PARD3B: variants seen among roughly 807,000 people sequenced by gnomAD.
PARD3B encodes par-3 family cell polarity regulator beta.
PARD3B carries 103 observed loss-of-function variants against 130.2 expected under a neutral mutation model. The ratio of observed to expected loss-of-function variants is 0.79; its 90% CI spans 0.67 to 0.93. The LOEUF (loss-of-function observed/expected upper bound fraction) is 0.93. Ranked by LOEUF, PARD3B falls within the 40% of genes least tolerant of loss-of-function variation. PARD3B has a pLI of 0.00. For missense variants in PARD3B, 1,609 were observed against 1,499.2 expected (o/e 1.07, Z -1.21); for synonymous variants, 583 against 553.2 (o/e 1.05, Z -0.76).
chr2:205,342,130 G>T (rs1024627240), intron 18 of PARD3B, among the ~76,000 whole-genome samples: 5 of 152,130 alleles, frequency 3.3e-5, no homozygotes, highest in African/African-American at 1.2e-4. Flanking sequence ...TATGACTAAA[G>T]GGAGGAAGGA....
At chr2:204,637,004 A>G (rs2034904333) in intron 1 of PARD3B, among the ~76,000 whole-genome samples, 1 of 152,190 alleles carries the variant, frequency 6.6e-6, no homozygotes, top group Non-Finnish European at 1.5e-5. Context: ...TCTAGTATGA[A>G]ATAATAGAAC....
chr2:204,847,177 T>A (rs896556612), intron 2 of PARD3B, among the ~76,000 whole-genome samples: 3 of 151,718 alleles, frequency 2.0e-5, no homozygotes, highest in African/African-American at 7.3e-5. Context: ...TTTCTTTTTT[T>A]TTTTTTTGCT....
chr2:205,155,514 T>G (rs765326760), intron 10 of PARD3B, among the ~76,000 whole-genome samples: 3 of 151,974 alleles, frequency 2.0e-5, no homozygotes, highest in Non-Finnish European at 4.4e-5. Flanking sequence ...AGAGTAAACT[T>G]TAAAAAAAAT....
At chr2:205,509,550 C>A (rs2050512389) in intron 21 of PARD3B, among the ~76,000 whole-genome samples, 1 of 152,114 alleles carries the variant, frequency 6.6e-6, no homozygotes, top group Non-Finnish European at 1.5e-5. Flanking sequence ...ACAGAGTTAC[C>A]ATTCTCAGTA....
intron 4 of PARD3B, among the ~76,000 whole-genome samples, chr2:205,060,177 CT>C (rs1287114385): frequency 2.0e-5 from 3 of 152,168 alleles, no homozygotes; most frequent in Non-Finnish European, 4.4e-5. Context: ...GGCAATCTTC[CT>C]TTGAAACTGC....
At chr2:205,481,882 G>A (rs1413611208) in intron 20 of PARD3B, among the ~76,000 whole-genome samples, 4 of 152,180 alleles carry the variant, frequency 2.6e-5, no homozygotes, top group Admixed American at 6.5e-5. Context: ...AAATAGGAGG[G>A]AAAGAAGATT....
intron 2 of PARD3B, among the ~76,000 whole-genome samples, chr2:204,900,389 G>A (rs73053132): frequency 0.02 from 3,081 of 151,954 alleles, 83 homozygotes; most frequent in African/African-American, 0.068. Flanking sequence ...GATCAGTTCT[G>A]CTCTTAGGAG....
intron 22 of PARD3B, among the ~76,000 whole-genome samples, chr2:205,567,702 TAA>T (rs1227990177): frequency 1.3e-5 from 2 of 151,784 alleles, no homozygotes; most frequent in Non-Finnish European, 1.5e-5. Context: ...TTCAAAAGTT[TAA>T]AAAGTCCTCA....
At chr2:205,220,949 C>T (rs923861250) in intron 15 of PARD3B, among the ~76,000 whole-genome samples, 7 of 152,290 alleles carry the variant, frequency 4.6e-5, no homozygotes, top group Admixed American at 4.6e-4. Context: ...GGGGCTGCTG[C>T]ACTCAGCCCA....
At chr2:204,560,434 C>T (rs1372295315) in intron 1 of PARD3B, among the ~76,000 whole-genome samples, 3 of 152,002 alleles carry the variant, frequency 2.0e-5, no homozygotes, top group African/African-American at 4.8e-5. Context: ...CAACAAATGG[C>T]ATGGTATGAT....
intron 21 of PARD3B, among the ~76,000 whole-genome samples, chr2:205,502,621 C>G (rs2050197730): frequency 6.6e-6 from 1 of 151,996 alleles, no homozygotes; most frequent in Non-Finnish European, 1.5e-5. Context: ...TGGAGTCATT[C>G]TATACTGGGG....
At chr2:204,793,318 T>C (rs1032709593) in intron 2 of PARD3B, among the ~76,000 whole-genome samples, 3 of 152,064 alleles carry the variant, frequency 2.0e-5, no homozygotes, top group African/African-American at 7.2e-5. Context: ...TTTTAAAGAG[T>C]CTCAGCCTTT....
rs2051285824 is a variant in PARD3B, at chr2:205,525,276, A to G, written c.3180+25245A>G. On this transcript the variant is annotated intron_variant, in intron 21 of 22. Transcript: ENST00000406610. The surrounding 1 kb of genome is among the most constrained non-coding windows in gnomAD (Gnocchi z 4.2). ...TCCAAATTGGTTTCCTTACCACTCC[A>G]AGAGTGGGGTCTCTGGAAAATATAG... is the stretch of plus-strand genomic sequence containing the variant. Among the ~76,000 whole-genome samples, 1 of 152,174 alleles carries G rather than the reference A, an allele frequency of 6.6e-6. No individual in the cohort carries two copies. Among genetic ancestry groups the G allele is most frequent in the Non-Finnish European group, 1.5e-5 (1 of 68,026 alleles).
intron 18 of PARD3B, among the ~76,000 whole-genome samples, chr2:205,359,226 A>T (rs1056166456): frequency 1.3e-5 from 2 of 152,224 alleles, no homozygotes; most frequent in African/African-American, 4.8e-5. Context: ...CTTTCGAAAG[A>T]TTAAATTGTC....
chr2:205,323,937 T>G (rs2042846934), intron 18 of PARD3B, among the ~76,000 whole-genome samples: 1 of 152,206 alleles, frequency 6.6e-6, no homozygotes, highest in African/African-American at 2.4e-5. Flanking sequence ...TTGTTTTTGG[T>G]GAAGACTTTT....
intron 13 of PARD3B, among the ~76,000 whole-genome samples, chr2:205,179,926 T>C (rs889543606): frequency 2.0e-5 from 3 of 152,136 alleles, no homozygotes; most frequent in African/African-American, 7.2e-5. Context: ...GGAATTTCAA[T>C]AGAATGTTCA....
At chr2:205,382,845 A>C (rs893514373) in intron 18 of PARD3B, among the ~76,000 whole-genome samples, 2 of 151,990 alleles carry the variant, frequency 1.3e-5, no homozygotes, top group African/African-American at 2.4e-5. Flanking sequence ...CATTTTCAGG[A>C]TAGCTCATGT....
At position 204,563,214 on chromosome 2, in the gene PARD3B, G is replaced by GCTCT. The variant is rs1356690546; in HGVS notation, c.120+17097_120+17098insCTCT. Among the ~76,000 whole-genome samples the GCTCT allele has an allele frequency of 7.1e-4, 39 of 55,044 alleles. 1 individual carries two copies. The highest frequency in any genetic ancestry group is 5.7e-3 in the Admixed American group (25 of 4,422). 36.1% of individuals were successfully genotyped at this position (55,044 alleles called of 152,430 possible). A position where few individuals can be genotyped will look rare whatever the true frequency, so the allele number is the denominator to read the frequency against. ...CTCCGTTTTTACATGCCGTCTTCCC[G>GCTCT]CTGTCTCTCTCTCTCTCTCTCTCTC... On this transcript the variant is annotated intron_variant, in intron 1 of 22. Coordinates refer to ENST00000406610, the MANE Select transcript of PARD3B (RefSeq NM_001302769.2).
chr2:205,575,739 G>A lies in PARD3B; in HGVS notation c.3260+22336G>A, dbSNP rs1298230987. Among the ~76,000 whole-genome samples the A allele has an allele frequency of 1.3e-5, 2 of 152,096 alleles. No individual in the cohort carries two copies. Among genetic ancestry groups the A allele is most frequent in the Non-Finnish European group, 1.5e-5 (1 of 68,012 alleles). On this transcript the variant is annotated intron_variant, in intron 22 of 22. Coordinates refer to ENST00000406610, the MANE Select transcript of PARD3B (RefSeq NM_001302769.2). This position sits in a 1 kb window ranked among gnomAD's most constrained non-coding sequence, Gnocchi z 4.6. ...CTTTCTAAGGCTGAATAATATTCCAGTGTTTGGTTGTGGCACAGTTGATTC... is the reference window on the plus strand; with the variant it reads ...CTTTCTAAGGCTGAATAATATTCCAATGTTTGGTTGTGGCACAGTTGATTC...
Sources: allele counts gnomAD v4.1 joint callset (sites outside exome capture counted in the v4.1 genomes callset), GRCh38; gene constraint gnomAD v4.1.1; non-coding constraint Gnocchi (gnomAD v3.1); transcripts MANE v1.5; gene names NCBI Gene and HGNC (gene_info 2026-07-23, HGNC 2026-07-21).